RNF150: variants seen among roughly 807,000 people sequenced by gnomAD.
RNF150 encodes the protein ring finger protein 150.
RNF150 carries 24 observed loss-of-function variants against 39.3 expected under a neutral mutation model. The ratio of observed to expected loss-of-function variants is 0.61; its 90% confidence interval spans 0.44 to 0.86. The LOEUF is 0.86. Ranked by LOEUF, RNF150 falls within the 40% of genes least tolerant of loss-of-function variation. The pLI, the probability that RNF150 is intolerant of heterozygous loss-of-function variation, is 0.00. For synonymous variants in RNF150, 255 were observed against 227.3 expected, an observed-to-expected ratio of 1.12 and a Z score of -1.10; for missense variants, 502 against 587.8, an observed-to-expected ratio of 0.85 and a Z score of 1.51.
chr4:141,173,914 A>C (rs996745581), intron 1 of RNF150, among the ~76,000 whole-genome samples: 1 of 152,216 alleles, frequency 6.6e-6, no homozygotes, highest in African/African-American at 2.4e-5. Context: ...TGTTGTTATC[A>C]ATTTGGTGTG....
intron 1 of RNF150, among the ~76,000 whole-genome samples, chr4:141,023,572 C>A (rs767651783): frequency 2.0e-5 from 3 of 151,612 alleles, no homozygotes; most frequent in Non-Finnish European, 2.9e-5. Flanking sequence ...TTTTTTATAT[C>A]TTATTTTACC....
At chr4:141,043,694 T>A (rs1056314710) in intron 1 of RNF150, among the ~76,000 whole-genome samples, 3 of 152,112 alleles carry the variant, frequency 2.0e-5, no homozygotes, top group Non-Finnish European at 4.4e-5. Context: ...GCTAAGTAGG[T>A]CAATTGGGTG....
At chr4:140,932,581 T>C (rs919373183) in intron 4 of RNF150, among the ~76,000 whole-genome samples, 16 of 152,192 alleles carry the variant, frequency 1.1e-4, no homozygotes, top group Non-Finnish European at 2.9e-5. Flanking sequence ...GTTGGAGGTA[T>C]TCAAACCTTT....
At chr4:141,185,309 CT>C (rs1229194653) in intron 1 of RNF150, among the ~76,000 whole-genome samples, 2 of 152,062 alleles carry the variant, frequency 1.3e-5, no homozygotes, top group African/African-American at 4.8e-5. Context: ...TGGAAGTTCA[CT>C]CATGATTTGG....
chr4:141,029,728 A>G (rs1160480133), intron 1 of RNF150, among the ~76,000 whole-genome samples: 1 of 152,246 alleles, frequency 6.6e-6, no homozygotes, highest in African/African-American at 2.4e-5. Flanking sequence ...TAACAGAGTG[A>G]AAAGACAACC....
chr4:141,198,387 T>C (rs1355654925), intron 1 of RNF150, among the ~76,000 whole-genome samples: 2 of 152,220 alleles, frequency 1.3e-5, no homozygotes, highest in African/African-American at 2.4e-5. Context: ...TCATAGATTT[T>C]TCAGTTATGT....
chr4:140,999,733 G>C (rs1367732056), intron 1 of RNF150, among the ~76,000 whole-genome samples: 20 of 151,888 alleles, frequency 1.3e-4, no homozygotes. Context: ...TCAGGAGTTT[G>C]AGACCAGCCT....
At position 141,020,356 on chromosome 4, in the gene RNF150, C is replaced by G. The variant is rs974197874; in HGVS notation, c.485-52483G>C. Reference sequence around the variant, plus strand: ...CTCCACACTCTAAGCTAAGGCAACTCCACATTCTAAGGTAAGGTAAAGGTG... The same window carrying G: ...CTCCACACTCTAAGCTAAGGCAACTGCACATTCTAAGGTAAGGTAAAGGTG... On this transcript the variant is annotated intron_variant, in intron 1 of 6. Coordinates refer to ENST00000515673, the MANE Select transcript of RNF150 (RefSeq NM_020724.2). Among the ~76,000 whole-genome samples, 5 of 152,210 alleles carry G rather than the reference C, an allele frequency of 3.3e-5. No individual in the cohort carries two copies. In the South Asian group the frequency reaches 1.0e-3, roughly 32 times the overall value.
At chr4:141,176,052 A>AG (rs1438971852) in intron 1 of RNF150, among the ~76,000 whole-genome samples, 2 of 140,328 alleles carry the variant, frequency 1.4e-5, no homozygotes, top group African/African-American at 5.3e-5. Flanking sequence ...ATGGTGGGCT[A>AG]ATTTTTTTTT....
chr4:141,154,231 G>T (rs948692159), intron 1 of RNF150, among the ~76,000 whole-genome samples: 1 of 152,190 alleles, frequency 6.6e-6, no homozygotes, highest in Non-Finnish European at 1.5e-5. Context: ...GTGTCCAGTT[G>T]ATAGTACTAT....
intron 1 of RNF150, among the ~76,000 whole-genome samples, chr4:141,020,006 A>G (rs28627758): frequency 0.22 from 33,886 of 152,040 alleles, 4,217 homozygotes; most frequent in Middle Eastern, 0.41. Context: ...TAACTCTTAG[A>G]CAGTGTTTCT....
At chr4:141,143,087 C>T (rs936400407) in intron 1 of RNF150, among the ~76,000 whole-genome samples, 4 of 152,036 alleles carry the variant, frequency 2.6e-5, no homozygotes, top group Non-Finnish European at 5.9e-5. Context: ...CCAGGCTGGT[C>T]GCAAACTCCT....
At chr4:141,094,010 T>C (rs949285814) in intron 1 of RNF150, among the ~76,000 whole-genome samples, 1 of 152,162 alleles carries the variant, frequency 6.6e-6, no homozygotes, top group African/African-American at 2.4e-5. Context: ...TGAAAGTCCA[T>C]GGACAGGCTC....
In RNF150 at chr4:141,138,823, T is replaced by C. The variant is rs1578762447; in HGVS notation, c.-6+73971A>G. Among the ~76,000 whole-genome samples the C allele has an allele frequency of 2.0e-5, 3 of 152,094 alleles. No homozygotes were observed. The East Asian group carries it at 5.8e-4, about 29-fold the overall frequency. Reference sequence around the variant, plus strand: ...CCAAAGGACATATATGTTGGCCACATGGAAGAGAAGAGATTTCAAGGAGGG... The same window carrying C: ...CCAAAGGACATATATGTTGGCCACACGGAAGAGAAGAGATTTCAAGGAGGG... On this transcript the variant is annotated intron_variant, in intron 1 of 7. Transcript: ENST00000420921.
At chr4:141,156,734 T>TA (rs3081645) in intron 1 of RNF150, among the ~76,000 whole-genome samples, 35,337 of 96,626 alleles carry the variant, frequency 0.37, 7,306 homozygotes, top group Admixed American at 0.46. Context: ...TCTCTACTAC[T>TA]AAAAAAAAAA....
chr4:141,072,536 T>C (rs182667461), intron 1 of RNF150, among the ~76,000 whole-genome samples: 1 of 152,342 alleles, frequency 6.6e-6, no homozygotes, highest in East Asian at 1.9e-4. Flanking sequence ...GTTGCTGTTA[T>C]GGAACATTCT....
At chr4:141,078,835 A>ACG (rs1389421049) in intron 1 of RNF150, among the ~76,000 whole-genome samples, 1 of 144,630 alleles carries the variant, frequency 6.9e-6, no homozygotes, top group Non-Finnish European at 1.5e-5. Flanking sequence ...ATATATATAC[A>ACG]CACACACACA....
chr4:140,970,239 C>T (rs756265667), intron 1 of RNF150, among the ~76,000 whole-genome samples: 3 of 152,110 alleles, frequency 2.0e-5, no homozygotes, highest in African/African-American at 4.8e-5. Flanking sequence ...GAGCAATCTT[C>T]GATTTAATAA....
intron 2 of RNF150, among the ~76,000 whole-genome samples, chr4:140,951,939 GACTA>G (rs1732556937): frequency 6.6e-6 from 1 of 151,926 alleles, no homozygotes. Context: ...TTTTTTTGAA[GACTA>G]ACCAGAGTAA....
Sources: gnomAD v4.1 joint callset for allele counts (sites outside exome capture counted in the v4.1 genomes callset) on GRCh38, gnomAD v4.1.1 for gene constraint, MANE v1.5 for transcripts, NCBI Gene and HGNC (gene_info 2026-07-23, HGNC 2026-07-21) for gene names.